The following PLEKHG1 variants were observed in gnomAD, a reference collection of about 807,000 sequenced individuals.
PLEKHG1 encodes pleckstrin homology and RhoGEF domain containing G1.
In PLEKHG1, 44 loss-of-function variants were observed where a neutral mutation model predicts 100.8. That is an observed-to-expected ratio of 0.44 (90% CI 0.34 to 0.56). PLEKHG1 has a LOEUF of 0.56. Ranked by LOEUF, PLEKHG1 falls within the 20% of genes least tolerant of loss-of-function variation. PLEKHG1 has a pLI of 0.01. For missense variants in PLEKHG1, 1,545 were observed against 1,720.9 expected, an observed-to-expected ratio of 0.90 and a Z score of 1.81; for synonymous variants, 640 against 662.5, an observed-to-expected ratio of 0.97 and a Z score of 0.52.
At chr6:150,783,604 A>C (rs1022538988) in intron 3 of PLEKHG1, among the ~76,000 whole-genome samples, 26 of 152,144 alleles carry the variant, frequency 1.7e-4, no homozygotes, top group Non-Finnish European at 3.4e-4. Flanking sequence ...TCCTGACCTC[A>C]GGTCATCTGC....
At chr6:150,647,290 C>T (rs1281594780) in intron 2 of PLEKHG1, among the ~76,000 whole-genome samples, 2 of 152,108 alleles carry the variant, frequency 1.3e-5, no homozygotes, top group African/African-American at 4.8e-5. Flanking sequence ...TGGTCTCTTT[C>T]GTGGGTAATT....
chr6:150,743,816 C>A (rs1278419500), intron 2 of PLEKHG1, among the ~76,000 whole-genome samples: 2 of 151,316 alleles, frequency 1.3e-5, no homozygotes, highest in Non-Finnish European at 2.9e-5. Flanking sequence ...AATTATTTAA[C>A]ACCATAGTTA....
chr6:150,631,895 C>T (rs947945689), intron 1 of PLEKHG1, among the ~76,000 whole-genome samples: 1 of 152,160 alleles, frequency 6.6e-6, no homozygotes, highest in African/African-American at 2.4e-5. Context: ...GGCTTTCTAG[C>T]GGCCTCCTTC....
chr6:150,654,653 A>G (rs1191779506), intron 3 of PLEKHG1, among the ~76,000 whole-genome samples: 2 of 152,248 alleles, frequency 1.3e-5, no homozygotes, highest in South Asian at 2.1e-4. Context: ...CATGCTCAAG[A>G]AGGAAACAAC....
intron 1 of PLEKHG1, among the ~76,000 whole-genome samples, chr6:150,732,062 C>T (rs907857139): frequency 1.3e-4 from 19 of 150,596 alleles, no homozygotes; most frequent in Middle Eastern, 3.4e-3. Flanking sequence ...CCCGGGTTCA[C>T]GCCATTCTCC....
At chr6:150,651,104 A>T (rs1442007256) in intron 3 of PLEKHG1, 1 of 152,238 alleles carries the variant, frequency 6.6e-6, no homozygotes, top group Non-Finnish European at 1.5e-5. Flanking sequence ...AATTATAACA[A>T]CACACCGTCA....
At chr6:150,747,313 G>A (rs1451571714) in intron 2 of PLEKHG1, among the ~76,000 whole-genome samples, 4 of 152,322 alleles carry the variant, frequency 2.6e-5, no homozygotes, top group Middle Eastern at 3.4e-3. Context: ...TGATCACATT[G>A]AAGATTTACC....
intron 3 of PLEKHG1, among the ~76,000 whole-genome samples, chr6:150,777,578 G>A (rs1268641591): frequency 4.0e-5 from 6 of 149,230 alleles, no homozygotes; most frequent in East Asian, 4.0e-4. Context: ...GTACATGTGC[G>A]GTTGCACATC....
intron 1 of PLEKHG1, among the ~76,000 whole-genome samples, chr6:150,634,081 A>T (rs1032668563): frequency 6.8e-6 from 1 of 147,586 alleles, no homozygotes; most frequent in Admixed American, 6.6e-5. Flanking sequence ...GTCTCTACTA[A>T]CAACAACAAA....
intron 3 of PLEKHG1, among the ~76,000 whole-genome samples, chr6:150,686,456 G>A (rs533421947): frequency 1.8e-4 from 28 of 152,302 alleles, no homozygotes; most frequent in African/African-American, 6.7e-4. Flanking sequence ...AAATAGGTAT[G>A]CAGGTACATG....
intron 2 of PLEKHG1, among the ~76,000 whole-genome samples, chr6:150,739,963 A>G (rs532742646): frequency 3.9e-5 from 6 of 152,372 alleles, no homozygotes; most frequent in Admixed American, 6.5e-5. Flanking sequence ...CCCCACTGCC[A>G]TAGCCTAGAA....
chr6:150,612,622 C>T (rs1035024808), intron 1 of PLEKHG1, among the ~76,000 whole-genome samples: 2 of 152,146 alleles, frequency 1.3e-5, no homozygotes, highest in Non-Finnish European at 2.9e-5. Context: ...TTTGAGCCAC[C>T]ACGCCCAGCC....
At chr6:150,779,648 C>A (rs1264438465) in intron 3 of PLEKHG1, among the ~76,000 whole-genome samples, 4 of 151,370 alleles carry the variant, frequency 2.6e-5, no homozygotes, top group Non-Finnish European at 4.4e-5. Context: ...GCCTGGCCTG[C>A]CAAGAAGTGT....
intron 1 of PLEKHG1, among the ~76,000 whole-genome samples, chr6:150,619,940 T>C (rs1370592425): frequency 6.6e-6 from 1 of 152,172 alleles, no homozygotes; most frequent in Non-Finnish European, 1.5e-5. Context: ...CATAAATTGA[T>C]GTCTTTTTCC....
chr6:150,785,245 G>C (rs1785552315), intron 3 of PLEKHG1, among the ~76,000 whole-genome samples: 1 of 152,188 alleles, frequency 6.6e-6, no homozygotes, highest in South Asian at 2.1e-4. Context: ...ATGAGAATCT[G>C]AAAACCAGAA....
Position 150,836,226 on chromosome 6 carries a change from GA to G in PLEKHG1, c.3095-3605del, listed in dbSNP as rs748303542. On this transcript the variant is annotated intron_variant, in intron 15 of 15. Transcript: ENST00000358517. ...ATCTCGTCTCTACTAAAAATACAAA[GA>G]ATTAGCCAAGCGTGGTGGCGGGCAC... is the stretch of plus-strand genomic sequence containing the variant. 2.4e-4 allele frequency among the ~76,000 whole-genome samples: 37 copies of G among 151,886 alleles called. No homozygotes were observed. In the East Asian group the frequency reaches 6.2e-3, roughly 26 times the overall value.
chr6:150,823,495 C>T (rs1024159763), intron 13 of PLEKHG1, among the ~76,000 whole-genome samples, 159 bp from the exon 15 acceptor site: 2 of 152,102 alleles, frequency 1.3e-5, no homozygotes, highest in Non-Finnish European at 2.9e-5. Context: ...GCTGGGAGAG[C>T]TGACAGGGAT....
At chr6:150,794,028 ACCAAGATCGTG>A (rs1786159680) in intron 4 of PLEKHG1, among the ~76,000 whole-genome samples, 1 of 152,092 alleles carries the variant, frequency 6.6e-6, no homozygotes, top group African/African-American at 2.4e-5. Context: ...ACTGCAGTGA[ACCAAGATCGTG>A]CCACTGCACT....
At chr6:150,731,618 G>A (rs1339205136) in intron 1 of PLEKHG1, among the ~76,000 whole-genome samples, 1 of 151,998 alleles carries the variant, frequency 6.6e-6, no homozygotes, top group Non-Finnish European at 1.5e-5. Context: ...TCTTTTTACT[G>A]TGTTTGTCAC....
Sources: gnomAD v4.1 joint callset for allele counts (sites outside exome capture counted in the v4.1 genomes callset) on GRCh38, gnomAD v4.1.1 for gene constraint, MANE v1.5 for transcripts, NCBI Gene and HGNC (gene_info 2026-07-23, HGNC 2026-07-21) for gene names.